The following CNTLN variants were observed in gnomAD, a reference collection of about 807,000 sequenced individuals.
CNTLN encodes the protein centlein, centrosomal protein.
CNTLN carries 212 observed loss-of-function variants against 180.0 expected under a neutral mutation model. The ratio of observed to expected loss-of-function variants is 1.18; its 90% CI spans 1.05 to 1.32. The LOEUF is 1.32. Among genes scored for constraint, CNTLN ranks in the 40% most tolerant of loss-of-function variants. CNTLN has a pLI of 0.00. For synonymous variants in CNTLN, 722 were observed against 563.1 expected, an observed-to-expected ratio of 1.28 and a Z score of -3.99; for missense variants, 2,095 against 1,610.9, an observed-to-expected ratio of 1.30 and a Z score of -5.14.
At chr9:17,383,246 C>G (rs897282934) in intron 13 of CNTLN, among the ~76,000 whole-genome samples, 8 of 152,004 alleles carry the variant, frequency 5.3e-5, no homozygotes, top group Non-Finnish European at 8.8e-5. Flanking sequence ...GTAGTTGTTA[C>G]CAACATGGCG....
At chr9:17,498,158 A>G (rs1555419) in intron 25 of CNTLN, among the ~76,000 whole-genome samples, 50,487 of 152,034 alleles carry the variant, frequency 0.33, 9,100 homozygotes, top group East Asian at 0.51. Context: ...CTTAAAAGTT[A>G]TCCTTATTTC....
intron 6 of CNTLN, among the ~76,000 whole-genome samples, chr9:17,295,472 G>C (rs1271359209): frequency 6.6e-6 from 1 of 152,020 alleles, no homozygotes; most frequent in African/African-American, 2.4e-5. Flanking sequence ...GTGGGCCGTC[G>C]CACCACCCTG....
chr9:17,442,924 A>C (rs1271810517), intron 18 of CNTLN, among the ~76,000 whole-genome samples: 1 of 152,228 alleles, frequency 6.6e-6, no homozygotes, highest in Admixed American at 6.5e-5. Context: ...TTCTGATAAA[A>C]TTAAATATCT....
At chr9:17,505,770 G>A (rs1833922492), downstream of CNTLN, among the ~76,000 whole-genome samples, 1 of 152,024 alleles carries the variant, frequency 6.6e-6, no homozygotes, top group African/African-American at 2.4e-5. Flanking sequence ...AGGAAATAGA[G>A]AACATTTTTC....
At chr9:17,490,579 G>A (rs926451090) in intron 25 of CNTLN, among the ~76,000 whole-genome samples, 1 of 152,024 alleles carries the variant, frequency 6.6e-6, no homozygotes, top group African/African-American at 2.4e-5. Flanking sequence ...CCAGAGGCTG[G>A]GGGGATATAG....
intron 2 of CNTLN, among the ~76,000 whole-genome samples, chr9:17,158,702 G>T (rs150638185): frequency 0.019 from 2,876 of 152,026 alleles, 56 homozygotes; most frequent in African/African-American, 0.05. Context: ...GTTTTTTAAA[G>T]ATTGGTAATA....
intron 8 of CNTLN, among the ~76,000 whole-genome samples, chr9:17,310,061 T>A (rs1156525880): frequency 6.6e-6 from 1 of 152,146 alleles, no homozygotes; most frequent in African/African-American, 2.4e-5. Flanking sequence ...ATGATAAAAT[T>A]TGTGTTATGA....
chr9:17,390,321 C>G (rs1474957863), intron 14 of CNTLN, among the ~76,000 whole-genome samples: 1 of 140,088 alleles, frequency 7.1e-6, no homozygotes, highest in African/African-American at 2.6e-5. Context: ...TCACTGCAAC[C>G]TCCGCCTCCC....
At chr9:17,487,123 C>T (rs1356448500) in intron 25 of CNTLN, 57 bp downstream of exon 25, 1 of 1,169,070 alleles carries the variant, frequency 8.6e-7, no homozygotes, top group African/African-American at 1.5e-5. Context: ...CCAAGCCTTA[C>T]ATTTTCACCA....
intron 2 of CNTLN, among the ~76,000 whole-genome samples, chr9:17,157,101 A>G (rs1819349036): frequency 6.6e-6 from 1 of 152,160 alleles, no homozygotes; most frequent in Non-Finnish European, 1.5e-5. Context: ...AGCAAAACAC[A>G]TTGGGGTCTT....
rs953643461 is a variant in CNTLN, at chr9:17,263,815, G to T, written c.850-9918G>T. Among the ~76,000 whole-genome samples the T allele has an allele frequency of 1.8e-4, 26 of 143,912 alleles. 2 individuals are homozygous for T. Among genetic ancestry groups the T allele is most frequent in the African/African-American group, 6.4e-4 (24 of 37,236 alleles). The allele number at this position is 143,912 out of a possible 152,430, so 94.4% of individuals were successfully genotyped here. On this transcript the variant is annotated intron_variant, in intron 5 of 25. Coordinates refer to ENST00000380647, the MANE Select transcript of CNTLN (RefSeq NM_017738.4). ...CCAGTGATGATGAGCATTTTTTCATGTGTTTCTTGGCTGCATAAATGTCTT... is the reference window on the plus strand; with the variant it reads ...CCAGTGATGATGAGCATTTTTTCATTTGTTTCTTGGCTGCATAAATGTCTT...
chr9:17,416,826 C>T (rs575036246), intron 18 of CNTLN, among the ~76,000 whole-genome samples: 21 of 152,162 alleles, frequency 1.4e-4, no homozygotes, highest in Non-Finnish European at 2.5e-4. Flanking sequence ...TCATTCTTTA[C>T]GCTATTTGCT....
At chr9:17,363,103 T>C (rs1304644425) in intron 12 of CNTLN, among the ~76,000 whole-genome samples, 1 of 152,244 alleles carries the variant, frequency 6.6e-6, no homozygotes, top group Non-Finnish European at 1.5e-5. Context: ...CCATGGTGTA[T>C]ATGTGCCACA....
At position 17,366,646 on chromosome 9, in the gene CNTLN, T is replaced by G. The variant is rs1214496111; in HGVS notation, c.1916T>G (p.Leu639Arg). ...AATCTTGAAGAAGAATTAGATGAAC[T>G]TAAAGTACATATATCTATTGATAAG... The part of the protein sequence containing the change: ...KMNLEEELDE[L>R]KVHISIDKAA... The change falls in exon 13 of 26, where the codon CTT (leucine) becomes CGT (arginine). Residue 639 changes from leucine (L) to arginine (R), a missense_variant. Coordinates refer to ENST00000380647, the MANE Select transcript of CNTLN (RefSeq NM_017738.4). 6.4e-7 allele frequency: 1 copy of G among 1,568,122 alleles called. No homozygotes were observed.
intron 2 of CNTLN, among the ~76,000 whole-genome samples, chr9:17,177,397 A>G (rs2131692892): frequency 6.6e-6 from 1 of 152,148 alleles, no homozygotes; most frequent in Middle Eastern, 3.4e-3. Flanking sequence ...CGACAGAACA[A>G]GACTCTGTCT....
intron 16 of CNTLN, among the ~76,000 whole-genome samples, chr9:17,411,642 G>A (rs1827850488): frequency 6.6e-6 from 1 of 152,130 alleles, no homozygotes; most frequent in Non-Finnish European, 1.5e-5. Flanking sequence ...CGTTAGACCA[G>A]CGGAGGCATT....
Position 17,387,081 on chromosome 9 carries a change from G to A in CNTLN, c.1988-1081G>A, listed in dbSNP as rs570875951. On this transcript the variant is annotated intron_variant, in intron 13 of 25. Transcript: ENST00000380647. ...CTGTTCTAATTATTTCATAAGTACA[G>A]AAGTTTTAATTGGGTATGTCATTTT... Among the ~76,000 whole-genome samples, 18 of 152,270 alleles carry A rather than the reference G, an allele frequency of 1.2e-4. No homozygotes were observed. The South Asian group carries it at 2.1e-3, about 18-fold the overall frequency.
At chr9:17,365,802 T>C (rs1374551998) in intron 12 of CNTLN, among the ~76,000 whole-genome samples, 1 of 152,004 alleles carries the variant, frequency 6.6e-6, no homozygotes, top group Non-Finnish European at 1.5e-5. Context: ...AAAAATTAGC[T>C]GGGCATGGTG....
intron 2 of CNTLN, among the ~76,000 whole-genome samples, chr9:17,162,720 G>T (rs1043020983): frequency 6.6e-6 from 1 of 152,166 alleles, no homozygotes; most frequent in African/African-American, 2.4e-5. Context: ...AGGGAGGGAA[G>T]TGGTTTGGTG....
Sources: allele counts gnomAD v4.1 joint callset (sites outside exome capture counted in the v4.1 genomes callset), GRCh38; gene constraint gnomAD v4.1.1; transcripts MANE v1.5; gene names NCBI Gene and HGNC (gene_info 2026-07-23, HGNC 2026-07-21).